The following ERAP2 variants were observed in gnomAD, a reference collection of about 807,000 sequenced individuals.
ERAP2 encodes leukocyte-derived arginine aminopeptidase.
A neutral mutation model predicts 111.1 loss-of-function variants in ERAP2; 118 were observed. The ratio of observed to expected loss-of-function variants is 1.06; its 90% CI spans 0.92 to 1.24. ERAP2 has a LOEUF of 1.24. ERAP2 is among the 50% of genes most tolerant of loss of function. The pLI is 0.00. For missense variants in ERAP2, 1,131 were observed against 1,125.8 expected (o/e 1.00, Z -0.07); for synonymous variants, 410 against 401.2 (o/e 1.02, Z -0.26).
chr5:96,880,908 A>G (rs1009857505), intron 2 of ERAP2: 3 of 160,044 alleles, frequency 1.9e-5, no homozygotes, highest in South Asian at 1.6e-4. Context: ...CAAGAAAGGT[A>G]GAAAATGAGG....
At position 96,916,779 on chromosome 5, in the gene ERAP2, TA is replaced by T. The variant is rs1241486413; in HGVS notation, c.2740-680del. Among the ~76,000 whole-genome samples, 176 of 150,248 alleles carry T rather than the reference TA, an allele frequency of 1.2e-3. 1 individual carries two copies. The highest frequency in any genetic ancestry group is 4.1e-3 in the African/African-American group (166 of 40,910). ...CACCAGCCTATCTTTTTTTTTTTTT[TA>T]AAGCATTATAGTCTTTGCACCTTCT... On this transcript the variant is annotated intron_variant, in intron 18 of 18. Coordinates refer to ENST00000437043, the MANE Select transcript of ERAP2 (RefSeq NM_022350.5).
At chr5:96,890,309 C>A (rs545968575) in intron 5 of ERAP2, among the ~76,000 whole-genome samples, 2 of 152,196 alleles carry the variant, frequency 1.3e-5, no homozygotes, top group East Asian at 3.9e-4. Context: ...ATAAGGAACA[C>A]GCAACTTAGA....
Position 96,909,665 on chromosome 5 carries a change from C to G in ERAP2, c.2255C>G (p.Ser752Trp). Residue 752 changes from serine (S) to tryptophan (W), a missense_variant, in exon 15 of 19, where the codon TCG becomes TGG. Ser to Trp is a radical substitution (Grantham distance 177, BLOSUM62 -3). Transcript: ENST00000437043. ...TCAGTCTGGGACAGGATGCTCCGCT[C>G]GGCTCTCTTGAAGCTGGCCTGTGAC... ...KGSVWDRMLR[S>W]ALLKLACDLN... 6.2e-7 allele frequency: 1 copy of G among 1,614,168 alleles called. No homozygotes were observed. Among genetic ancestry groups the G allele is most frequent in the Non-Finnish European group, 8.5e-7 (1 of 1,180,014 alleles).
At chr5:96,907,129 G>T (rs184619672) in intron 13 of ERAP2, among the ~76,000 whole-genome samples, 3 of 152,316 alleles carry the variant, frequency 2.0e-5, no homozygotes, top group Admixed American at 2.0e-4. Flanking sequence ...TCATATACAA[G>T]TAAGTAGGTG....
chr5:96,909,963 G>C, intron 15 of ERAP2, 199 bp downstream of exon 15: 1 of 520,580 alleles, frequency 1.9e-6, no homozygotes, highest in Non-Finnish European at 3.4e-6. Flanking sequence ...GAAATGTAAT[G>C]GTGTCCATTA....
chr5:96,901,600 G>T lies in ERAP2; in HGVS notation c.1667G>T (p.Gly556Val). The T allele has an allele frequency of 6.2e-7, 1 of 1,614,108 alleles. No homozygotes were observed. The highest frequency in any genetic ancestry group is 8.5e-7 in the Non-Finnish European group (1 of 1,179,976). The change falls in exon 11 of 19, where the codon GGG (glycine) becomes GTG (valine). Residue 556 changes from glycine to valine, a missense_variant. Gly to Val is a moderately radical substitution (Grantham distance 109). Transcript: ENST00000437043. Reference protein sequence around the residue: ...GIPLLVVKQDGCSLRLQQERF... With the variant: ...GIPLLVVKQDVCSLRLQQERF... ...CCCCTGCTGGTGGTTAAACAAGACG[G>T]GTGTTCACTCCGACTGCAACAGGAG... is the stretch of plus-strand genomic sequence containing the variant.
At position 96,889,143 on chromosome 5, in the gene ERAP2, G is replaced by A. The variant is rs754043504; in HGVS notation, c.850-42G>A. ...GTTATCAGGAATGGAATTATGCCAG[G>A]GAGCTGTCATTCAAAAACCTCTTCT... is the stretch of plus-strand genomic sequence containing the variant. On this transcript the variant is annotated intron_variant, in intron 4 of 18. Transcript: ENST00000437043. 60 of 1,609,660 alleles carry A rather than the reference G, an allele frequency of 3.7e-5. 1 individual carries two copies. The Admixed American group carries it at 9.7e-4, about 26-fold the overall frequency.
At chr5:96,879,332 G>A (rs1268583260) in intron 1 of ERAP2, among the ~76,000 whole-genome samples, 1 of 152,208 alleles carries the variant, frequency 6.6e-6, no homozygotes, top group Non-Finnish European at 1.5e-5. Flanking sequence ...GAATTCAGAA[G>A]AAATTCATTA....
At chr5:96,916,092 G>C (rs912073897) in intron 18 of ERAP2, among the ~76,000 whole-genome samples, 1 of 151,916 alleles carries the variant, frequency 6.6e-6, no homozygotes, top group East Asian at 1.9e-4. Context: ...GTGGTGGCAC[G>C]CACCTGTAGT....
intron 4 of ERAP2, among the ~76,000 whole-genome samples, chr5:96,887,042 A>C (rs1437059427): frequency 6.8e-6 from 1 of 147,688 alleles, no homozygotes. Context: ...AACAGTATTT[A>C]CTTACTATAT....
intron 13 of ERAP2, among the ~76,000 whole-genome samples, chr5:96,908,739 T>G (rs1009452216): frequency 2.6e-5 from 4 of 152,220 alleles, no homozygotes; most frequent in Admixed American, 2.0e-4. Context: ...GAAGATAGTA[T>G]TATTATCCCC....
At chr5:96,876,994 A>T (rs1179028940) in intron 1 of ERAP2, among the ~76,000 whole-genome samples, 3 of 151,996 alleles carry the variant, frequency 2.0e-5, no homozygotes, top group Non-Finnish European at 4.4e-5. Flanking sequence ...ATTTATTTTG[A>T]GAGAGAGCCT....
chr5:96,893,623 TG>T (rs1191956810), intron 6 of ERAP2, among the ~76,000 whole-genome samples: 1 of 152,316 alleles, frequency 6.6e-6, no homozygotes, highest in African/African-American at 2.4e-5. Flanking sequence ...ATGCTCCCTC[TG>T]GCCCTCCCTT....
chr5:96,879,606 C>T lies in ERAP2; in HGVS notation c.-80C>T. ...AAAATATTGTTCAGACCCCATGTGA[C>T]ATAACTGGAGCCAGTGCAGTGCCAT... On this transcript the variant is annotated 5_prime_UTR_variant, in exon 2 of 19. Coordinates refer to ENST00000437043, the MANE Select transcript of ERAP2 (RefSeq NM_022350.5). 8.8e-7 allele frequency: 1 copy of T among 1,130,604 alleles called. No individual in the cohort carries two copies. Among genetic ancestry groups the T allele is most frequent in the South Asian group, 1.4e-5 (1 of 71,892 alleles). The allele number at this position is 1,130,604 out of a possible 1,614,324, so 70.0% of individuals were successfully genotyped here. A position where few individuals can be genotyped will look rare whatever the true frequency, so the allele number is the denominator to read the frequency against.
At position 96,908,993 on chromosome 5, in the gene ERAP2, A is replaced by T. The variant is rs200317861; in HGVS notation, c.2045A>T (p.Asp682Val). Residue 682 changes from aspartate to valine, a missense_variant, in exon 14 of 19, where the codon GAC becomes GTC. This residue lies in a region of ERAP2 where 847 missense variants were observed against 856.5 expected (regional missense o/e 0.99). Transcript: ENST00000437043. ...AGRLTLDKAL[D>V]MTYYLQHETS... ...AGACTGACCCTAGACAAAGCTCTTG[A>T]CATGACTTACTACCTCCAACATGAA... 219 of 1,614,094 alleles carry T rather than the reference A, an allele frequency of 1.4e-4. No individual in the cohort carries two copies. Among genetic ancestry groups the T allele is most frequent in the Non-Finnish European group, 1.6e-4 (192 of 1,180,028 alleles).
chr5:96,883,934 T>C lies in ERAP2; in HGVS notation c.714+4T>C, dbSNP rs1206850079. 6 of 1,568,894 alleles carry C rather than the reference T, an allele frequency of 3.8e-6. No homozygotes were observed. Among genetic ancestry groups the C allele is most frequent in the Non-Finnish European group, 5.2e-6 (6 of 1,161,108 alleles). Reference sequence around the variant, plus strand: ...TGCACTATCCAACATGCCAAAGGTATGTCCACTTCCAGAAACTTTTAGAAA... The same window carrying C: ...TGCACTATCCAACATGCCAAAGGTACGTCCACTTCCAGAAACTTTTAGAAA... On this transcript the variant is annotated splice_donor_region_variant and intron_variant, in intron 3 of 18. Coordinates refer to ENST00000437043, the MANE Select transcript of ERAP2 (RefSeq NM_022350.5).
At chr5:96,892,501 T>C in intron 6 of ERAP2, 48 bp downstream of exon 6, 1 of 1,602,738 alleles carries the variant, frequency 6.2e-7, no homozygotes, top group Non-Finnish European at 8.5e-7. Context: ...AAAATAACAT[T>C]ATATAGAACA....
At chr5:96,915,886 T>C in intron 18 of ERAP2, 117 bp downstream of exon 18, 1 of 833,136 alleles carries the variant, frequency 1.2e-6, no homozygotes, top group Non-Finnish European at 1.8e-6. Context: ...AAAAGTTGTT[T>C]GTCCAATGCC....
intron 10 of ERAP2, among the ~76,000 whole-genome samples, chr5:96,901,265 C>T (rs1213713937): frequency 6.6e-6 from 1 of 152,106 alleles, no homozygotes; most frequent in East Asian, 1.9e-4. Flanking sequence ...CTGGCTTTTC[C>T]TGCCATGTAT....
Sources: gnomAD v4.1 joint callset for allele counts (sites outside exome capture counted in the v4.1 genomes callset) on GRCh38, gnomAD v4.1.1 for gene constraint, gnomAD v4.1.1 regional missense constraint, MANE v1.5 for transcripts, NCBI Gene and HGNC (gene_info 2026-07-23, HGNC 2026-07-21) for gene names.